The following CCDC7 variants were observed in gnomAD, a reference collection of about 807,000 sequenced individuals.
CCDC7 encodes coiled-coil domain-containing protein 7.
CCDC7 carries 183 observed loss-of-function variants against 196.9 expected under a neutral mutation model. The observed-to-expected ratio is 0.93, with a 90% CI of 0.82 to 1.05. CCDC7 has a LOEUF of 1.05. CCDC7 is among the 50% of genes least tolerant of loss of function. The pLI, the probability that CCDC7 is intolerant of heterozygous loss-of-function variation, is 0.00. For missense variants in CCDC7, 1,540 were observed against 1,482.2 expected (o/e 1.04, Z -0.64); for synonymous variants, 525 against 484.6 (o/e 1.08, Z -1.10).
chr10:32,683,797 A>G (rs2076138836), intron 21 of CCDC7, among the ~76,000 whole-genome samples: 1 of 152,156 alleles, frequency 6.6e-6, no homozygotes, highest in South Asian at 2.1e-4. Context: ...GACGGAAGTG[A>G]TCAGGCAGAA....
intron 18 of CCDC7, among the ~76,000 whole-genome samples, chr10:32,602,218 C>T (rs1262449787): frequency 2.6e-5 from 4 of 151,882 alleles, no homozygotes; most frequent in Non-Finnish European, 4.4e-5. Context: ...ACACTCACTG[C>T]GAAGGTCTGC....
At chr10:32,597,933 A>G (rs572209640) in intron 18 of CCDC7, among the ~76,000 whole-genome samples, 20 of 152,268 alleles carry the variant, frequency 1.3e-4, no homozygotes, top group East Asian at 7.7e-4. Context: ...GTGCCTCCCA[A>G]TTAGGCTACT....
At chr10:32,753,689 C>T (rs1485741033) in intron 28 of CCDC7, among the ~76,000 whole-genome samples, 2 of 152,114 alleles carry the variant, frequency 1.3e-5, no homozygotes, top group African/African-American at 4.8e-5. Context: ...TCTTCTTTCG[C>T]TCTTGCTATT....
intron 18 of CCDC7, among the ~76,000 whole-genome samples, chr10:32,626,818 C>T (rs2064110049): frequency 6.6e-6 from 1 of 151,958 alleles, no homozygotes; most frequent in African/African-American, 2.4e-5. Context: ...ATCCTTTCCC[C>T]ATTGTGTATT....
Position 32,682,569 on chromosome 10 carries a change from A to G in CCDC7, c.2123-3401A>G, listed in dbSNP as rs139894056. On this transcript the variant is annotated intron_variant, in intron 21 of 41. Transcript: ENST00000639629. ...GTTCTAAGTTCTTTGAGAAATTTCC[A>G]AACTGTTTTCCACAGTGGCTGAACT... is the stretch of plus-strand genomic sequence containing the variant. Among the ~76,000 whole-genome samples, 969 of 152,332 alleles carry G rather than the reference A, an allele frequency of 6.4e-3. 6 individuals are homozygous for G. The highest frequency in any genetic ancestry group is 9.2e-3 in the Non-Finnish European group (629 of 68,028).
chr10:32,794,298 C>T (rs1006137553), intron 29 of CCDC7, among the ~76,000 whole-genome samples: 2 of 152,060 alleles, frequency 1.3e-5, no homozygotes, highest in African/African-American at 4.8e-5. Context: ...TGTATTGTAC[C>T]ATATTTTCTT....
rs570315299 is a variant in CCDC7 at position 32,488,190 on chromosome 10, G to A, written c.797-3732G>A. 6.6e-4 allele frequency among the ~76,000 whole-genome samples: 101 copies of A among 152,288 alleles called. No homozygotes were observed. The Middle Eastern group carries it at 0.014, about 21-fold the overall frequency. On this transcript the variant is annotated intron_variant, in intron 8 of 41. Coordinates refer to ENST00000639629, the Ensembl canonical transcript of CCDC7. ...TATTCAAGCCTCGGCAATGGCGGGC[G>A]CCCCTCCCTCAGCCTTGCTGTGGCC...
intron 8 of CCDC7, among the ~76,000 whole-genome samples, chr10:32,488,169 C>G (rs1012703386): frequency 6.6e-6 from 1 of 152,214 alleles, no homozygotes; most frequent in African/African-American, 2.4e-5. Context: ...TTTACCTATT[C>G]AAGCCTCGGC....
intron 31 of CCDC7, among the ~76,000 whole-genome samples, chr10:32,819,858 C>A (rs942812008): frequency 1.4e-4 from 22 of 152,206 alleles, no homozygotes; most frequent in Non-Finnish European, 5.9e-5. Flanking sequence ...CAGCCAATAT[C>A]ATACTGAATG....
rs138128063 is a variant in CCDC7 at position 32,858,376 on chromosome 10, A to T, written c.4111+3887A>T. On this transcript the variant is annotated intron_variant, in intron 41 of 41. Transcript: ENST00000639629. ...CTACAGAGCAATATCTCTGATGAAC[A>T]TTGATGCAAAAATGCTCAATTAAAC... is the stretch of plus-strand genomic sequence containing the variant. Among the ~76,000 whole-genome samples, 238 of 152,328 alleles carry T rather than the reference A, an allele frequency of 1.6e-3. 2 individuals carry two copies. Among genetic ancestry groups the T allele is most frequent in the African/African-American group, 4.2e-3 (175 of 41,578 alleles).
chr10:32,828,439 G>GAGAAGAAGAAGAAGAAGAAGA (rs71030014), intron 32 of CCDC7, among the ~76,000 whole-genome samples: 7 of 56,840 alleles, frequency 1.2e-4, no homozygotes, highest in African/African-American at 2.6e-4. Flanking sequence ...AGGAAGGAAG[G>GAGAAGAAGAAGAAGAAGAAGA]AGAAGAAGAA....
At chr10:32,666,183 C>T in intron 21 of CCDC7, among the ~76,000 whole-genome samples, 1 of 142,984 alleles carries the variant, frequency 7.0e-6, no homozygotes, top group Non-Finnish European at 1.5e-5. Flanking sequence ...TTGTGGTAGT[C>T]CTTTGGAATA....
intron 26 of CCDC7, 110 bp downstream of exon 27, chr10:32,726,942 C>A: frequency 1.5e-6 from 1 of 658,584 alleles, no homozygotes; most frequent in East Asian, 3.1e-5. Flanking sequence ...TTATGGAAAT[C>A]GTAGACTTTG....
chr10:32,475,666 C>G (rs1267041863), intron 8 of CCDC7, among the ~76,000 whole-genome samples: 1 of 152,120 alleles, frequency 6.6e-6, no homozygotes, highest in Non-Finnish European at 1.5e-5. Context: ...TAGTATTGAC[C>G]TACTGTCTTT....
chr10:32,542,120 C>T lies in CCDC7; in HGVS notation c.994-1180C>T, dbSNP rs902107073. Among the ~76,000 whole-genome samples the T allele has an allele frequency of 2.0e-5, 3 of 152,108 alleles. 1 individual carries two copies. Among genetic ancestry groups the T allele is most frequent in the South Asian group, 4.1e-4 (2 of 4,820 alleles). ...CTTCTAGTCAGCTATCTTGTCCAAACGTCCTAAAATTTTTAATAATCTAAT... is the reference window on the plus strand; with the variant it reads ...CTTCTAGTCAGCTATCTTGTCCAAATGTCCTAAAATTTTTAATAATCTAAT... On this transcript the variant is annotated intron_variant, in intron 11 of 41. Transcript: ENST00000639629.
intron 18 of CCDC7, among the ~76,000 whole-genome samples, chr10:32,608,734 T>C (rs1590519323): frequency 6.6e-6 from 1 of 152,062 alleles, no homozygotes; most frequent in South Asian, 2.1e-4. Flanking sequence ...AGAGACGGGG[T>C]TTTGCCATGT....
intron 35 of CCDC7, 117 bp downstream of exon 36, chr10:32,845,743 T>G: frequency 8.8e-7 from 1 of 1,139,870 alleles, no homozygotes; most frequent in Admixed American, 1.9e-5. Flanking sequence ...ACAGGTAAAA[T>G]TCTTCATGAA....
chr10:32,730,331 T>C (rs550157338), intron 28 of CCDC7, among the ~76,000 whole-genome samples: 1 of 152,300 alleles, frequency 6.6e-6, no homozygotes, highest in African/African-American at 2.4e-5. Context: ...ATTGATTTTT[T>C]AGGTGCAATT....
chr10:32,700,864 A>G (rs1051545971), intron 24 of CCDC7, among the ~76,000 whole-genome samples: 1 of 152,126 alleles, frequency 6.6e-6, no homozygotes, highest in Non-Finnish European at 1.5e-5. Flanking sequence ...TTTGTCTGTT[A>G]TTGGTATATA....
Sources: allele counts gnomAD v4.1 joint callset (sites outside exome capture counted in the v4.1 genomes callset), GRCh38; gene constraint gnomAD v4.1.1; transcripts MANE v1.5; gene names NCBI Gene and HGNC (gene_info 2026-07-23, HGNC 2026-07-21).